Variants in ZNF277 observed in about 807,000 individuals in gnomAD.
ZNF277 encodes the protein zinc finger protein 277, also known as nuclear receptor-interacting factor 4.
ZNF277 carries 55 observed loss-of-function variants against 60.7 expected under a neutral mutation model. That is an observed-to-expected ratio of 0.91 (90% CI 0.73 to 1.13). ZNF277 has a LOEUF of 1.13. Among genes scored for constraint, ZNF277 ranks in the 50% most tolerant of loss-of-function variants. ZNF277 has a pLI of 0.00. For synonymous variants in ZNF277, 178 were observed against 179.3 expected (o/e 0.99, Z 0.06); for missense variants, 510 against 523.0 (o/e 0.98, Z 0.24).
chr7:112,249,639 C>T (rs969441127), intron 1 of ZNF277, among the ~76,000 whole-genome samples: 2 of 152,046 alleles, frequency 1.3e-5, no homozygotes, highest in African/African-American at 2.4e-5. Flanking sequence ...ATGGAGGGAC[C>T]GGCTGAAGCC....
chr7:112,292,270 C>T (rs1792225667), intron 2 of ZNF277, among the ~76,000 whole-genome samples: 1 of 152,152 alleles, frequency 6.6e-6, no homozygotes. Flanking sequence ...GAATCAGGCT[C>T]CTGTTACCTC....
chr7:112,312,299 C>T (rs538387615), intron 4 of ZNF277, among the ~76,000 whole-genome samples: 1 of 152,188 alleles, frequency 6.6e-6, no homozygotes, highest in South Asian at 2.1e-4. Flanking sequence ...ACGTAGAATA[C>T]CTCACAACCA....
chr7:112,236,687 T>C (rs948994757), intron 1 of ZNF277, among the ~76,000 whole-genome samples: 1 of 152,118 alleles, frequency 6.6e-6, no homozygotes, highest in Non-Finnish European at 1.5e-5. Flanking sequence ...CGAGTCCTCA[T>C]TCACTATTTA....
intron 1 of ZNF277, among the ~76,000 whole-genome samples, chr7:112,235,252 G>A (rs1242095035): frequency 1.3e-5 from 2 of 151,964 alleles, no homozygotes; most frequent in Non-Finnish European, 2.9e-5. Context: ...AAGTTTTTGG[G>A]TGGACATGTT....
At chr7:112,319,832 T>G (rs1229474274) in intron 5 of ZNF277, among the ~76,000 whole-genome samples, 1 of 151,840 alleles carries the variant, frequency 6.6e-6, no homozygotes, top group Non-Finnish European at 1.5e-5. Flanking sequence ...ACTTCTAACT[T>G]TGTCCTTCTA....
intron 1 of ZNF277, among the ~76,000 whole-genome samples, chr7:112,262,265 AG>A (rs1201908471): frequency 2.2e-4 from 33 of 150,736 alleles, no homozygotes; most frequent in Admixed American, 6.6e-4. Context: ...AAAAAAAAAA[AG>A]ATCATTGAGC....
At chr7:112,258,537 G>A (rs1263344923) in intron 1 of ZNF277, among the ~76,000 whole-genome samples, 1 of 151,998 alleles carries the variant, frequency 6.6e-6, no homozygotes, top group Admixed American at 6.6e-5. Flanking sequence ...TGGCACCCCT[G>A]TTCCTAGCAC....
At chr7:112,278,687 G>A (rs1412489152) in intron 1 of ZNF277, among the ~76,000 whole-genome samples, 1 of 151,838 alleles carries the variant, frequency 6.6e-6, no homozygotes, top group Non-Finnish European at 1.5e-5. Flanking sequence ...GGAAGTAATG[G>A]GACCATAATT....
At chr7:112,297,161 T>G (rs1254875334) in intron 4 of ZNF277, among the ~76,000 whole-genome samples, 1 of 151,798 alleles carries the variant, frequency 6.6e-6, no homozygotes, top group African/African-American at 2.4e-5. Flanking sequence ...TCTCCTGACC[T>G]CATGATCTGC....
chr7:112,331,798 C>T (rs1279563554), intron 7 of ZNF277, among the ~76,000 whole-genome samples: 1 of 152,212 alleles, frequency 6.6e-6, no homozygotes, highest in African/African-American at 2.4e-5. Flanking sequence ...GACTTCAGTG[C>T]TAGCTCTAAG....
intron 5 of ZNF277, among the ~76,000 whole-genome samples, chr7:112,325,635 G>A (rs1793076413): frequency 6.6e-6 from 1 of 152,172 alleles, no homozygotes; most frequent in Non-Finnish European, 1.5e-5. Context: ...TCACACATGG[G>A]CTTGTTCTCT....
intron 1 of ZNF277, among the ~76,000 whole-genome samples, chr7:112,241,132 C>A (rs1790937254): frequency 6.6e-6 from 1 of 151,344 alleles, no homozygotes; most frequent in Admixed American, 6.6e-5. Flanking sequence ...CCAGAATATA[C>A]AAGGAGTTCA....
At chr7:112,281,309 C>G (rs185348250) in intron 1 of ZNF277, among the ~76,000 whole-genome samples, 11 of 152,208 alleles carry the variant, frequency 7.2e-5, no homozygotes, top group Admixed American at 6.5e-4. Flanking sequence ...TGATAAAACT[C>G]AAATTTGGAA....
intron 1 of ZNF277, among the ~76,000 whole-genome samples, chr7:112,231,302 T>C (rs1347747402): frequency 6.6e-6 from 1 of 152,194 alleles, no homozygotes; most frequent in Non-Finnish European, 1.5e-5. Context: ...AGTGTGTTAA[T>C]TGGAGTGAAG....
At chr7:112,299,121 A>G (rs1792417685) in intron 4 of ZNF277, among the ~76,000 whole-genome samples, 1 of 152,182 alleles carries the variant, frequency 6.6e-6, no homozygotes, top group African/African-American at 2.4e-5. Context: ...CAGCAGGAAG[A>G]CAGGCTGAAT....
chr7:112,303,361 T>G (rs1792522981), intron 4 of ZNF277, among the ~76,000 whole-genome samples: 1 of 152,110 alleles, frequency 6.6e-6, no homozygotes, highest in Non-Finnish European at 1.5e-5. Context: ...TGTAAATAAT[T>G]TTTTAAAGAA....
intron 1 of ZNF277, among the ~76,000 whole-genome samples, chr7:112,239,946 G>A (rs4730515): frequency 0.043 from 6,587 of 152,230 alleles, 340 homozygotes; most frequent in African/African-American, 0.13. Context: ...AAAATGGGAA[G>A]AGTTTTATTG....
At chr7:112,264,798 G>A (rs1791512274) in intron 1 of ZNF277, among the ~76,000 whole-genome samples, 2 of 152,064 alleles carry the variant, frequency 1.3e-5, no homozygotes, top group Non-Finnish European at 2.9e-5. Context: ...CATATTAAGT[G>A]TGCAATAATG....
At chr7:112,296,927 T>TATTTA (rs1563219782) in intron 4 of ZNF277, among the ~76,000 whole-genome samples, 1 of 82,978 alleles carries the variant, frequency 1.2e-5, no homozygotes, top group African/African-American at 3.9e-5. Context: ...TTTTTTTTTT[T>TATTTA]TTTTTTTTTT....
Sources: allele counts gnomAD v4.1 joint callset (sites outside exome capture counted in the v4.1 genomes callset), GRCh38; gene constraint gnomAD v4.1.1; transcripts MANE v1.5; gene names NCBI Gene and HGNC (gene_info 2026-07-23, HGNC 2026-07-21).